Variants in SLC24A2 observed in about 807,000 individuals in gnomAD.
The protein encoded by SLC24A2 is sodium/potassium/calcium exchanger 2.
Under a neutral mutation model 62.0 loss-of-function variants are expected in SLC24A2, and 36 were observed. The ratio of observed to expected loss-of-function variants is 0.58; its 90% CI spans 0.44 to 0.77. The LOEUF (loss-of-function observed/expected upper bound fraction) is 0.77. Ranked by LOEUF, SLC24A2 falls within the 30% of genes least tolerant of loss-of-function variation. SLC24A2 has a pLI of 0.00. For synonymous variants in SLC24A2, 358 were observed against 294.0 expected (o/e 1.22, Z -2.23); for missense variants, 846 against 817.9 (o/e 1.03, Z -0.42).
At chr9:20,174,955 C>T in the SLC24A2 span, among the ~76,000 whole-genome samples, 25 of 151,622 alleles carry the variant, frequency 1.6e-4, no homozygotes, top group East Asian at 5.8e-4. Context: ...CAAACCCAAA[C>T]GCCCATCAAC....
At chr9:20,238,586 T>C in the SLC24A2 span, among the ~76,000 whole-genome samples, 4 of 152,208 alleles carry the variant, frequency 2.6e-5, no homozygotes, top group Non-Finnish European at 5.9e-5. Flanking sequence ...GGTGTACCCC[T>C]AACAAAAGTA....
intron 2 of SLC24A2, among the ~76,000 whole-genome samples, chr9:19,664,209 G>A (rs920822962): frequency 2.6e-5 from 4 of 152,324 alleles, no homozygotes; most frequent in African/African-American, 9.6e-5. Context: ...TCAGCATGTA[G>A]GAGTCAGAAT....
At chr9:19,877,296 A>G in the SLC24A2 span, among the ~76,000 whole-genome samples, 1 of 148,678 alleles carries the variant, frequency 6.7e-6, no homozygotes, top group Non-Finnish European at 1.5e-5. Flanking sequence ...CAGGCTGGGA[A>G]GAGAGAGACT....
chr9:20,180,306 A>C, the SLC24A2 span, among the ~76,000 whole-genome samples: 1 of 152,166 alleles, frequency 6.6e-6, no homozygotes, highest in Non-Finnish European at 1.5e-5. Context: ...TATAAATATT[A>C]ATCACCATAT....
At chr9:19,918,426 C>T in the SLC24A2 span, among the ~76,000 whole-genome samples, 3 of 146,680 alleles carry the variant, frequency 2.0e-5, no homozygotes, top group African/African-American at 7.5e-5. Context: ...ATTCTTTTGT[C>T]TTCTATGCTT....
chr9:20,128,406 A>G, the SLC24A2 span, among the ~76,000 whole-genome samples: 13 of 152,262 alleles, frequency 8.5e-5, no homozygotes, highest in Non-Finnish European at 1.9e-4. Flanking sequence ...GAGACTATAT[A>G]TAATTCCTAT....
At chr9:19,577,796 A>G (rs542974250) in intron 5 of SLC24A2, among the ~76,000 whole-genome samples, 9 of 150,792 alleles carry the variant, frequency 6.0e-5, no homozygotes, top group African/African-American at 1.2e-4. Context: ...ATGGCCATCA[A>G]TCAACGAGTG....
At chr9:20,093,026 A>G in the SLC24A2 span, among the ~76,000 whole-genome samples, 6 of 152,046 alleles carry the variant, frequency 3.9e-5, no homozygotes, top group African/African-American at 1.4e-4. Context: ...AATTGTATTT[A>G]TATAATATTT....
chr9:20,206,779 G>A, the SLC24A2 span, among the ~76,000 whole-genome samples: 23 of 151,726 alleles, frequency 1.5e-4, no homozygotes, highest in African/African-American at 4.4e-4. Flanking sequence ...TCGCCTGGCC[G>A]CTTTATTACT....
At chr9:19,834,742 T>C in the SLC24A2 span, among the ~76,000 whole-genome samples, 1 of 152,028 alleles carries the variant, frequency 6.6e-6, no homozygotes, top group African/African-American at 2.4e-5. Flanking sequence ...AAGATACTCC[T>C]CGAGAAGAGC....
chr9:20,248,587 C>A, the SLC24A2 span, among the ~76,000 whole-genome samples: 1 of 152,086 alleles, frequency 6.6e-6, no homozygotes, highest in African/African-American at 2.4e-5. Context: ...AATGAGGGCT[C>A]CACCCTCATG....
At chr9:20,102,025 G>A in the SLC24A2 span, among the ~76,000 whole-genome samples, 1 of 152,186 alleles carries the variant, frequency 6.6e-6, no homozygotes, top group Non-Finnish European at 1.5e-5. Flanking sequence ...GTATCATTCT[G>A]TGCAAGCTCT....
chr9:20,128,322 C>A, the SLC24A2 span, among the ~76,000 whole-genome samples: 2 of 151,964 alleles, frequency 1.3e-5, no homozygotes, highest in African/African-American at 4.8e-5. Flanking sequence ...GAGACACAGG[C>A]CCTGAGAGAA....
the SLC24A2 span, among the ~76,000 whole-genome samples, chr9:20,157,403 A>G: frequency 5.9e-5 from 9 of 151,680 alleles, no homozygotes; most frequent in Admixed American, 2.0e-4. Context: ...GGAATGAAAG[A>G]CTCTGTCTTT....
At chr9:19,712,126 A>C (rs1297517465) in intron 2 of SLC24A2, among the ~76,000 whole-genome samples, 1 of 152,180 alleles carries the variant, frequency 6.6e-6, no homozygotes, top group East Asian at 1.9e-4. Flanking sequence ...TCAGGATAAG[A>C]GCAATACAGA....
At chr9:19,550,859 T>C (rs1834810320) in intron 7 of SLC24A2, among the ~76,000 whole-genome samples, 1 of 152,142 alleles carries the variant, frequency 6.6e-6, no homozygotes, top group African/African-American at 2.4e-5. Flanking sequence ...TTTTCTTTCA[T>C]TGATATTTTA....
At chr9:20,264,043 T>G in the SLC24A2 span, among the ~76,000 whole-genome samples, 1 of 152,064 alleles carries the variant, frequency 6.6e-6, no homozygotes, top group Non-Finnish European at 1.5e-5. Flanking sequence ...ACCCAATGCT[T>G]CTTCCTCCTG....
intron 8 of SLC24A2, among the ~76,000 whole-genome samples, chr9:19,529,800 G>A (rs888187728): frequency 6.6e-6 from 1 of 150,384 alleles, no homozygotes; most frequent in South Asian, 2.1e-4. Context: ...ACCCAGGCTG[G>A]AGTGCAGTGG....
At chr9:20,073,213 C>T in the SLC24A2 span, among the ~76,000 whole-genome samples, 2 of 152,248 alleles carry the variant, frequency 1.3e-5, no homozygotes, top group Middle Eastern at 3.4e-3. Flanking sequence ...TTAGGATTCT[C>T]TTTTAAGCCA....
Sources: gnomAD v4.1 joint callset for allele counts (sites outside exome capture counted in the v4.1 genomes callset) on GRCh38, gnomAD v4.1.1 for gene constraint, MANE v1.5 for transcripts, NCBI Gene and HGNC (gene_info 2026-07-23, HGNC 2026-07-21) for gene names.